The following RBBP6 variants were observed in gnomAD, a reference collection of about 807,000 sequenced individuals.
The protein encoded by RBBP6 is RB binding protein 6, ubiquitin ligase, also known as E3 ubiquitin-protein ligase RBBP6.
A neutral mutation model predicts 167.7 loss-of-function variants in RBBP6; 25 were observed. The observed-to-expected ratio is 0.15, with a 90% CI of 0.11 to 0.21. The LOEUF (loss-of-function observed/expected upper bound fraction) is 0.21. Among genes scored for constraint, RBBP6 ranks in the 10% least tolerant of loss-of-function variants. The pLI, the probability that RBBP6 is intolerant of heterozygous loss-of-function variation, is 1.00. For missense variants in RBBP6, 1,868 were observed against 2,134.2 expected (o/e 0.88, Z 2.46); for synonymous variants, 789 against 735.8 (o/e 1.07, Z -1.17).
At chr16:24,555,734 A>C in intron 5 of RBBP6, 31 bp downstream of exon 5, 2 of 1,602,462 alleles carry the variant, frequency 1.2e-6, no homozygotes, top group South Asian at 2.2e-5. Flanking sequence ...TACTAATAGG[A>C]ACTTTTGGGG....
Position 24,571,605 on chromosome 16 carries a change from T to G in RBBP6, c.4539T>G (p.Asn1513Lys). The G allele has an allele frequency of 1.2e-6, 2 of 1,610,434 alleles. No individual in the cohort carries two copies. Among genetic ancestry groups the G allele is most frequent in the Non-Finnish European group, 1.7e-6 (2 of 1,179,192 alleles). The change falls in exon 18 of 18, where the codon AAT becomes AAG. Residue 1513 changes from asparagine (N) to lysine (K), a missense_variant. Coordinates refer to ENST00000319715, the MANE Select transcript of RBBP6 (RefSeq NM_006910.5). Reference sequence around the variant, plus strand: ...AAGATTCTGCATCTGGACAGAAAAATAAACCAAGGGAAGAGAGAGATTTGC... The same window carrying G: ...AAGATTCTGCATCTGGACAGAAAAAGAAACCAAGGGAAGAGAGAGATTTGC... The part of the protein sequence containing the change: ...RNKDSASGQK[N>K]KPREERDLPK...
chr16:24,545,338 C>T (rs536436966), intron 1 of RBBP6, among the ~76,000 whole-genome samples: 1 of 152,246 alleles, frequency 6.6e-6, no homozygotes, highest in East Asian at 1.9e-4. Flanking sequence ...TCCCAAAATG[C>T]TGGTATTACA....
Position 24,567,433 on chromosome 16 carries a change from C to A in RBBP6, c.1880C>A (p.Thr627Asn), listed in dbSNP as rs1435720926. 6.2e-7 allele frequency: 1 copy of A among 1,613,988 alleles called. No homozygotes were observed. The highest frequency in any genetic ancestry group is 8.5e-7 in the Non-Finnish European group (1 of 1,179,952). Residue 627 changes from threonine to asparagine, a missense_variant, in exon 15 of 18, where the codon ACC becomes AAC. Thr to Asn is a moderately conservative substitution (Grantham distance 65). Around this residue, in one of 7 missense-constraint regions of RBBP6, gnomAD observed 145 missense variants for 224.3 expected, o/e 0.65. Transcript: ENST00000319715. The part of the protein sequence containing the change: ...SSGVQTAHSN[T>N]IPTTQAPPLS... Reference sequence around the variant, plus strand: ...GGAGTGCAGACAGCTCATTCAAATACCATCCCAACAACACAAGCACCACCT... The same window carrying A: ...GGAGTGCAGACAGCTCATTCAAATAACATCCCAACAACACAAGCACCACCT...
intron 2 of RBBP6, 74 bp from the exon 3 acceptor site, chr16:24,548,871 A>G (rs903040566): frequency 2.0e-5 from 24 of 1,209,118 alleles, no homozygotes; most frequent in Non-Finnish European, 2.8e-5. Flanking sequence ...TATTGAAGAT[A>G]ATGTGTTAAA....
intron 8 of RBBP6, among the ~76,000 whole-genome samples, chr16:24,559,993 G>A (rs781375422): frequency 6.6e-6 from 1 of 151,726 alleles, no homozygotes; most frequent in African/African-American, 2.4e-5. Flanking sequence ...AACTTTTTTG[G>A]GCCTTAGATA....
rs1899270058 is a variant in RBBP6, at chr16:24,569,373, G to T, written c.2683G>T (p.Gly895Cys). The stretch of plus-strand genomic sequence containing the variant: ...GCAAAGTCATAGAAGTCGAAACATA[G>T]GTAGCAACTATCCAGAAAAGCTTTC... Reference protein sequence around the residue: ...GGQSHRSRNIGSNYPEKLSAR... With the variant: ...GGQSHRSRNICSNYPEKLSAR... Residue 895 changes from glycine (G) to cysteine (C), a missense_variant, in exon 17 of 18, where the codon GGT becomes TGT. This residue lies in a region of RBBP6 where 673 missense variants were observed against 691.5 expected (regional missense o/e 0.97). Coordinates refer to ENST00000319715, the MANE Select transcript of RBBP6 (RefSeq NM_006910.5). 1.2e-6 allele frequency: 2 copies of T among 1,613,918 alleles called. No homozygotes were observed. The highest frequency in any genetic ancestry group is 1.7e-6 in the Non-Finnish European group (2 of 1,180,028).
chr16:24,540,762 C>T lies in RBBP6; in HGVS notation c.136C>T (p.Leu46=), dbSNP rs1048023863. 1.2e-6 allele frequency: 2 copies of T among 1,613,798 alleles called. No homozygotes were observed. The highest frequency in any genetic ancestry group is 1.3e-5 in the African/African-American group (1 of 74,908). ...GAAGCTGAAAGCTGCCGACTGCGAC[C>T]TGCAGATCACCAATGCGCAGACGAA... is the stretch of plus-strand genomic sequence containing the variant. The part of the protein sequence containing the change: ...REKLKAADCD[L]QITNAQTKEE... Residue 46 remains leucine, a synonymous_variant, in exon 1 of 18, where the codon CTG becomes TTG. Transcript: ENST00000319715.
Position 24,567,355 on chromosome 16 carries a change from C to T in RBBP6, c.1802C>T (p.Pro601Leu), listed in dbSNP as rs1227795280. 6.2e-7 allele frequency: 1 copy of T among 1,614,020 alleles called. No homozygotes were observed. Among genetic ancestry groups the T allele is most frequent in the African/African-American group, 1.3e-5 (1 of 74,896 alleles). ...CCACCCGCTGGGTATAGTGTCCCTC[C>T]TCCAGGGTTTCCTCCAGCTCCTGCC... ...QPPPAGYSVP[P>L]PGFPPAPANL... Residue 601 changes from proline (P) to leucine (L), a missense_variant, in exon 15 of 18, where the codon CCT becomes CTT. Physicochemically the swap from Pro to Leu is moderately conservative, Grantham distance 98 (BLOSUM62 -3). This residue lies in a region of RBBP6 where 145 missense variants were observed against 224.3 expected (regional missense o/e 0.65). Coordinates refer to ENST00000319715, the MANE Select transcript of RBBP6 (RefSeq NM_006910.5).
chr16:24,569,836 G>A lies in RBBP6; in HGVS notation c.3146G>A (p.Arg1049His), dbSNP rs201210613. Residue 1049 changes from arginine (R) to histidine (H), a missense_variant, in exon 17 of 18, where the codon CGT (arginine) becomes CAT (histidine). This residue lies in a region of RBBP6 where 673 missense variants were observed against 691.5 expected (regional missense o/e 0.97). Transcript: ENST00000319715. ...CCCCAAGAAAAAGTAGATGGAGAAC[G>A]TGAGAGATCTCCTCGATCTGAACCT... The part of the protein sequence containing the change: ...KGPQEKVDGE[R>H]ERSPRSEPPI... 5.6e-6 allele frequency: 9 copies of A among 1,611,716 alleles called. No individual in the cohort carries two copies. The Admixed American group carries it at 6.7e-5, about 12-fold the overall frequency.
intron 1 of RBBP6, among the ~76,000 whole-genome samples, chr16:24,542,454 A>T (rs1173804479): frequency 7.1e-6 from 1 of 141,458 alleles, no homozygotes; most frequent in Non-Finnish European, 1.5e-5. Flanking sequence ...AATTGAATGC[A>T]GCTTTTTTTT....
Position 24,570,152 on chromosome 16 carries a change from A to T in RBBP6, c.3462A>T (p.Lys1154Asn), listed in dbSNP as rs749111648. 6.3e-7 allele frequency: 1 copy of T among 1,587,830 alleles called. No individual in the cohort carries two copies. Among genetic ancestry groups the T allele is most frequent in the South Asian group, 1.2e-5 (1 of 85,020 alleles). The stretch of plus-strand genomic sequence containing the variant: ...AAAGAAAAAGAAAAACTGAAGAAAA[A>T]GGCGTAGATAAAGATTTTGAGTCTT... ...GEKRKRKTEE[K>N]GVDKDFESSS... The change falls in exon 17 of 18, where the codon AAA (lysine) becomes AAT (asparagine). Residue 1154 changes from lysine to asparagine, a missense_variant. This residue lies in a region of RBBP6 where 673 missense variants were observed against 691.5 expected (regional missense o/e 0.97). Coordinates refer to ENST00000319715, the MANE Select transcript of RBBP6 (RefSeq NM_006910.5).
intron 13 of RBBP6, among the ~76,000 whole-genome samples, chr16:24,564,088 C>T (rs1899137102): frequency 2.6e-5 from 4 of 151,938 alleles, no homozygotes; most frequent in South Asian, 2.1e-4. Context: ...ATAAGATTAA[C>T]GTCTACCAAA....
chr16:24,559,795 T>A (rs540977089), intron 8 of RBBP6, 118 bp downstream of exon 8: 1 of 922,640 alleles, frequency 1.1e-6, no homozygotes, highest in Non-Finnish European at 1.5e-6. Context: ...TGACAAGTGT[T>A]GATCAATGAG....
At chr16:24,549,792 T>C (rs1168409576) in intron 3 of RBBP6, among the ~76,000 whole-genome samples, 1 of 152,038 alleles carries the variant, frequency 6.6e-6, no homozygotes, top group African/African-American at 2.4e-5. Flanking sequence ...TATTTCCCTC[T>C]TATACTAAAA....
At position 24,564,832 on chromosome 16, in the gene RBBP6, A is replaced by G; in HGVS notation, c.1556A>G (p.Gln519Arg). 6.2e-7 allele frequency: 1 copy of G among 1,613,112 alleles called. No homozygotes were observed. Among genetic ancestry groups the G allele is most frequent in the East Asian group, 2.2e-5 (1 of 44,836 alleles). The change falls in exon 14 of 18, where the codon CAA becomes CGA. Residue 519 changes from glutamine (Q) to arginine (R), a missense_variant. Gln to Arg is a conservative substitution (Grantham distance 43). Transcript: ENST00000319715. ...NKLGYLVSPPQQIRRGERSCY... is the reference protein window; with the variant it reads ...NKLGYLVSPPRQIRRGERSCY... ...CTTGGCTATCTGGTTTCTCCACCAC[A>G]ACAAATTAGAAGAGGGGAGAGGAGC...
intron 8 of RBBP6, 71 bp downstream of exon 8, chr16:24,559,748 AC>A: frequency 7.8e-7 from 1 of 1,287,668 alleles, no homozygotes; most frequent in Non-Finnish European, 1.0e-6. Flanking sequence ...GCTCTTCCCA[AC>A]CTCATATGTT....
Position 24,539,975 on chromosome 16 carries a change from TC to T in RBBP6, c.-650del, listed in dbSNP as rs956511669. ...GGGCGGCCTGCGGGAAGGCCTCTCCTCCGCCGACCGCGCGTTTTCGGCCTAG... is the reference window on the plus strand; with the variant it reads ...GGGCGGCCTGCGGGAAGGCCTCTCCTCGCCGACCGCGCGTTTTCGGCCTAG... On this transcript the variant is annotated 5_prime_UTR_variant, in exon 1 of 18. Coordinates refer to ENST00000319715, the MANE Select transcript of RBBP6 (RefSeq NM_006910.5). 1 of 152,682 alleles carries T rather than the reference TC, an allele frequency of 6.5e-6. No homozygotes were observed. The highest frequency in any genetic ancestry group is 6.5e-5 in the Admixed American group (1 of 15,284). The allele number at this position is 152,682 out of a possible 1,614,324, so 9.5% of individuals were successfully genotyped here.
intron 17 of RBBP6, 82 bp downstream of exon 17, chr16:24,570,581 A>G (rs1022374753): frequency 1.1e-5 from 14 of 1,244,414 alleles, no homozygotes; most frequent in Non-Finnish European, 1.5e-5. Context: ...TGCTTTTTAT[A>G]TTAATTATGA....
intron 2 of RBBP6, among the ~76,000 whole-genome samples, chr16:24,546,578 C>T (rs997443402): frequency 3.3e-5 from 5 of 151,980 alleles, no homozygotes; most frequent in Non-Finnish European, 7.4e-5. Context: ...TGTGGGGGTT[C>T]CTTCAGTTTT....
Sources: gnomAD v4.1 joint callset for allele counts (sites outside exome capture counted in the v4.1 genomes callset) on GRCh38, gnomAD v4.1.1 for gene constraint, gnomAD v4.1.1 regional missense constraint, MANE v1.5 for transcripts, NCBI Gene and HGNC (gene_info 2026-07-23, HGNC 2026-07-21) for gene names.